GALNT13: variants seen among roughly 807,000 people sequenced by gnomAD.
GALNT13 encodes the protein polypeptide N-acetylgalactosaminyltransferase 13, also known as UDP-GalNAc:polypeptide N-acetylgalactosaminyltransferase 13.
GALNT13 carries 28 observed loss-of-function variants against 64.2 expected under a neutral mutation model. The observed-to-expected ratio is 0.44, with a 90% CI of 0.32 to 0.60. GALNT13 has a LOEUF of 0.60. Among genes scored for constraint, GALNT13 ranks in the 20% least tolerant of loss-of-function variants. GALNT13 has a pLI of 0.05. For synonymous variants in GALNT13, 214 were observed against 224.6 expected (o/e 0.95, Z 0.42); for missense variants, 577 against 669.8 (o/e 0.86, Z 1.53).
At chr2:153,249,225 A>G in the GALNT13 span, among the ~76,000 whole-genome samples, 2 of 152,210 alleles carry the variant, frequency 1.3e-5, no homozygotes, top group Non-Finnish European at 2.9e-5. Context: ...AAGTATTCCT[A>G]TACACCAATA....
the GALNT13 span, among the ~76,000 whole-genome samples, chr2:153,351,886 G>C: frequency 6.6e-6 from 1 of 152,108 alleles, no homozygotes; most frequent in Non-Finnish European, 1.5e-5. Flanking sequence ...TGTCTCTTAA[G>C]TTTGGGCAAT....
chr2:153,837,544 T>C, the GALNT13 span, among the ~76,000 whole-genome samples: 62 of 152,230 alleles, frequency 4.1e-4, 1 homozygote, highest in Admixed American at 1.3e-4. Context: ...CTTAGCATAA[T>C]GTTTTCTAGA....
chr2:153,342,765 AC>A, the GALNT13 span, among the ~76,000 whole-genome samples: 1 of 152,126 alleles, frequency 6.6e-6, no homozygotes, highest in African/African-American at 2.4e-5. Context: ...CTTCATGCTC[AC>A]CCTGGTTTTT....
the GALNT13 span, among the ~76,000 whole-genome samples, chr2:153,445,290 A>G: frequency 2.0e-5 from 3 of 152,214 alleles, no homozygotes; most frequent in African/African-American, 4.8e-5. Flanking sequence ...TCTAACAAGC[A>G]GAACCATAAG....
At chr2:154,332,281 A>C (rs1440442703) in intron 9 of GALNT13, among the ~76,000 whole-genome samples, 1 of 152,096 alleles carries the variant, frequency 6.6e-6, no homozygotes, top group Non-Finnish European at 1.5e-5. Flanking sequence ...TAAAAATAAC[A>C]AACATAAATG....
chr2:153,272,227 A>G, the GALNT13 span, among the ~76,000 whole-genome samples: 1 of 152,210 alleles, frequency 6.6e-6, no homozygotes, highest in Non-Finnish European at 1.5e-5. Flanking sequence ...CTAAAACACT[A>G]AAAGCAACGG....
intron 1 of GALNT13, among the ~76,000 whole-genome samples, chr2:153,876,642 T>C (rs1364315458): frequency 6.6e-6 from 1 of 152,154 alleles, no homozygotes; most frequent in Non-Finnish European, 1.5e-5. Context: ...TTATAATACA[T>C]TTAATTGGTG....
the GALNT13 span, among the ~76,000 whole-genome samples, chr2:153,113,707 T>G: frequency 1.3e-5 from 2 of 152,102 alleles, no homozygotes; most frequent in Non-Finnish European, 2.9e-5. Context: ...GTGTTTATTG[T>G]TGTCATATAT....
the GALNT13 span, among the ~76,000 whole-genome samples, chr2:153,839,471 G>A: frequency 1.5e-4 from 22 of 151,678 alleles, 1 homozygote; most frequent in Non-Finnish European, 2.4e-4. Flanking sequence ...ATCATGAAAA[G>A]ACATTGAATT....
At chr2:154,379,699 C>A (rs1014000063) in intron 9 of GALNT13, among the ~76,000 whole-genome samples, 1 of 151,986 alleles carries the variant, frequency 6.6e-6, no homozygotes, top group African/African-American at 2.4e-5. Flanking sequence ...TCTATAATTA[C>A]ACTATGTAGT....
chr2:153,738,083 T>G, the GALNT13 span, among the ~76,000 whole-genome samples: 2 of 152,010 alleles, frequency 1.3e-5, 1 homozygote, highest in Non-Finnish European at 2.9e-5. Flanking sequence ...CTGCAAATAT[T>G]TTTATTTTTC....
intron 10 of GALNT13, among the ~76,000 whole-genome samples, chr2:154,407,687 A>G (rs889509967): frequency 6.6e-6 from 1 of 151,926 alleles, no homozygotes; most frequent in Non-Finnish European, 1.5e-5. Flanking sequence ...TGCTGCTCAG[A>G]TTTTTTTATG....
At chr2:153,522,843 AG>A in the GALNT13 span, among the ~76,000 whole-genome samples, 1 of 152,092 alleles carries the variant, frequency 6.6e-6, no homozygotes, top group Non-Finnish European at 1.5e-5. Flanking sequence ...GCAGAACAAA[AG>A]TTTGTAGTTT....
intron 7 of GALNT13, among the ~76,000 whole-genome samples, chr2:154,252,689 T>A (rs1248651135): frequency 6.6e-6 from 1 of 151,622 alleles, no homozygotes; most frequent in African/African-American, 2.4e-5. Flanking sequence ...CTACCCCAAA[T>A]CTTTTGCTGT....
chr2:153,439,840 C>T, the GALNT13 span, among the ~76,000 whole-genome samples: 21 of 152,248 alleles, frequency 1.4e-4, no homozygotes, highest in African/African-American at 2.4e-4. Flanking sequence ...ATCCACTGTC[C>T]GGCACTCCCC....
intron 3 of GALNT13, among the ~76,000 whole-genome samples, chr2:154,065,662 G>C (rs1046787348): frequency 2.6e-5 from 4 of 152,184 alleles, no homozygotes; most frequent in African/African-American, 7.2e-5. Flanking sequence ...TACTGGGTTT[G>C]GGGTCCCCCT....
chr2:153,586,864 A>T, the GALNT13 span, among the ~76,000 whole-genome samples: 7 of 152,292 alleles, frequency 4.6e-5, no homozygotes, highest in East Asian at 1.2e-3. Flanking sequence ...AAAACTAGAA[A>T]TCAATAGCAA....
the GALNT13 span, among the ~76,000 whole-genome samples, chr2:153,101,297 A>T: frequency 6.6e-6 from 1 of 152,086 alleles, no homozygotes; most frequent in South Asian, 2.1e-4. Flanking sequence ...AGATTCTCCC[A>T]GGCCATGGCA....
the GALNT13 span, among the ~76,000 whole-genome samples, chr2:153,278,570 T>C: frequency 6.6e-6 from 1 of 152,208 alleles, no homozygotes; most frequent in South Asian, 2.1e-4. Flanking sequence ...TTCTTCTGCT[T>C]GTGGTCAGCC....
Sources: allele counts gnomAD v4.1 joint callset (sites outside exome capture counted in the v4.1 genomes callset), GRCh38; gene constraint gnomAD v4.1.1; transcripts MANE v1.5; gene names NCBI Gene and HGNC (gene_info 2026-07-23, HGNC 2026-07-21).